GRM7: variants seen among roughly 807,000 people sequenced by gnomAD.
GRM7 encodes metabotropic glutamate receptor 7.
In GRM7, 35 loss-of-function variants were observed where a neutral mutation model predicts 84.5. That is an observed-to-expected ratio of 0.41 (90% CI 0.32 to 0.55). The LOEUF (loss-of-function observed/expected upper bound fraction) is 0.55, where lower values mean the gene tolerates loss of function less well. GRM7 is among the 20% of genes least tolerant of loss of function. The probability of loss-of-function intolerance (pLI) is 0.19; values close to 1 mark genes in which losing one functional copy is unlikely to be tolerated. For missense variants in GRM7, 1,003 were observed against 1,194.6 expected (o/e 0.84, Z 2.36); for synonymous variants, 487 against 455.1 (o/e 1.07, Z -0.89).
intron 2 of GRM7, among the ~76,000 whole-genome samples, chr3:7,229,753 ATATATAT>A (rs1559514707): frequency 0.026 from 757 of 29,202 alleles, 6 homozygotes; most frequent in Middle Eastern, 0.058. Flanking sequence ...ATATATATAT[ATATATAT>A]TTTTTTTTTT....
chr3:7,707,255 G>T (rs1701422062), intron 9 of GRM7, among the ~76,000 whole-genome samples: 1 of 152,094 alleles, frequency 6.6e-6, no homozygotes, highest in Non-Finnish European at 1.5e-5. Flanking sequence ...TTCTTGAGAA[G>T]ACTGACAAAA....
chr3:7,678,296 TAATAA>T (rs1700220324), intron 8 of GRM7, among the ~76,000 whole-genome samples: 1 of 152,272 alleles, frequency 6.6e-6, no homozygotes, highest in African/African-American at 2.4e-5. Context: ...TAATTATAAA[TAATAA>T]AACAAGAAGT....
chr3:7,640,571 C>G (rs542838208), intron 8 of GRM7, among the ~76,000 whole-genome samples: 1 of 152,198 alleles, frequency 6.6e-6, no homozygotes, highest in South Asian at 2.1e-4. Flanking sequence ...CTGAATGATG[C>G]CAGTCAAGCA....
intron 4 of GRM7, among the ~76,000 whole-genome samples, chr3:7,388,683 A>G (rs933365095): frequency 6.6e-6 from 1 of 151,980 alleles, no homozygotes; most frequent in Non-Finnish European, 1.5e-5. Flanking sequence ...GTGTGTTTCT[A>G]GATATTTATC....
intron 2 of GRM7, among the ~76,000 whole-genome samples, chr3:7,155,589 A>G (rs1574969617): frequency 6.6e-6 from 1 of 152,162 alleles, no homozygotes; most frequent in Admixed American, 6.6e-5. Flanking sequence ...TTGGACTTCA[A>G]CTGCTTCCTA....
rs1208192908 is a variant in GRM7, at chr3:7,694,224, C to T, written c.2698+13929C>T. 4.6e-5 allele frequency: 7 copies of T among 152,648 alleles called. 2 individuals are homozygous for T. Among genetic ancestry groups the T allele is most frequent in the Non-Finnish European group, 1.5e-5 (1 of 68,360 alleles). 9.5% of individuals were successfully genotyped at this position (152,648 alleles called of 1,614,324 possible). On this transcript the variant is annotated intron_variant, in intron 9 of 9. Transcript: ENST00000357716. Reference sequence around the variant, plus strand: ...TTTCCTCATCTGCAAAATAGAACCTCATATGGTAGTAGTGAGAAATAAATA... The same window carrying T: ...TTTCCTCATCTGCAAAATAGAACCTTATATGGTAGTAGTGAGAAATAAATA...
At chr3:7,110,668 C>A in intron 1 of GRM7, among the ~76,000 whole-genome samples, 1 of 151,460 alleles carries the variant, frequency 6.6e-6, no homozygotes, top group Non-Finnish European at 1.5e-5. Flanking sequence ...AGTCTAAGTC[C>A]TTTGGCATTC....
intron 1 of GRM7, among the ~76,000 whole-genome samples, chr3:7,110,668 CT>C (rs55969906): frequency 0.41 from 61,634 of 151,418 alleles, 13,275 homozygotes; most frequent in African/African-American, 0.56. Context: ...AGTCTAAGTC[CT>C]TTGGCATTCA....
At chr3:7,443,111 G>C (rs1055029447) in intron 5 of GRM7, among the ~76,000 whole-genome samples, 3 of 150,912 alleles carry the variant, frequency 2.0e-5, no homozygotes, top group African/African-American at 7.3e-5. Flanking sequence ...ATTTTCATGA[G>C]CATCATGTGA....
chr3:7,224,123 A>G (rs1465569421), intron 2 of GRM7, among the ~76,000 whole-genome samples: 1 of 152,212 alleles, frequency 6.6e-6, no homozygotes, highest in African/African-American at 2.4e-5. Context: ...CTGGCTATTT[A>G]AAAAGAAAAA....
At chr3:7,353,848 G>T (rs112031759) in intron 4 of GRM7, among the ~76,000 whole-genome samples, 14 of 152,226 alleles carry the variant, frequency 9.2e-5, no homozygotes, top group African/African-American at 3.4e-4. Context: ...TTACTATAAT[G>T]GACAGCAGAG....
chr3:7,087,529 C>T (rs1180222848), intron 1 of GRM7, among the ~76,000 whole-genome samples: 3 of 151,990 alleles, frequency 2.0e-5, no homozygotes, highest in Non-Finnish European at 4.4e-5. Context: ...TGAGAGGCAG[C>T]TGAAGGAAAA....
intron 1 of GRM7, among the ~76,000 whole-genome samples, chr3:6,895,384 A>G (rs1185650446): frequency 6.6e-6 from 1 of 152,202 alleles, no homozygotes; most frequent in Non-Finnish European, 1.5e-5. Context: ...TACGTTTTCA[A>G]TAATCTTAGC....
chr3:7,179,841 T>C (rs1415594827), intron 2 of GRM7, among the ~76,000 whole-genome samples: 3 of 152,160 alleles, frequency 2.0e-5, no homozygotes, highest in Non-Finnish European at 4.4e-5. Context: ...AAAAATAGTA[T>C]AGGGGAAACA....
chr3:7,112,218 C>T (rs897277073), intron 1 of GRM7, among the ~76,000 whole-genome samples: 10 of 137,416 alleles, frequency 7.3e-5, no homozygotes, highest in African/African-American at 1.2e-4. Flanking sequence ...ATTGAGTTTT[C>T]ATATTTTATG....
intron 2 of GRM7, among the ~76,000 whole-genome samples, chr3:7,183,642 CAAAT>C (rs1214392139): frequency 6.6e-6 from 1 of 151,934 alleles, no homozygotes; most frequent in Non-Finnish European, 1.5e-5. Context: ...ATAATAATAA[CAAAT>C]AAATAAAATG....
At chr3:7,283,132 C>T (rs1381761472) in intron 2 of GRM7, among the ~76,000 whole-genome samples, 1 of 152,024 alleles carries the variant, frequency 6.6e-6, no homozygotes, top group South Asian at 2.1e-4. Flanking sequence ...TTTCGAAGTT[C>T]TGAGTTGTAG....
intron 7 of GRM7, among the ~76,000 whole-genome samples, chr3:7,514,605 C>T (rs997476135): frequency 6.6e-6 from 1 of 152,174 alleles, no homozygotes; most frequent in Non-Finnish European, 1.5e-5. Flanking sequence ...CTGTTTCTAT[C>T]CACCACAGTG....
chr3:7,285,429 G>T lies in GRM7; in HGVS notation c.737-13255G>T, dbSNP rs567632665. ...CTGTGTTGTTATCGTGTGTTTTATTGAATGAAGATCATACATGACAATCAA... is the reference window on the plus strand; with the variant it reads ...CTGTGTTGTTATCGTGTGTTTTATTTAATGAAGATCATACATGACAATCAA... On this transcript the variant is annotated intron_variant, in intron 2 of 9. Coordinates refer to ENST00000357716, the MANE Select transcript of GRM7 (RefSeq NM_000844.4). Among the ~76,000 whole-genome samples the T allele has an allele frequency of 3.3e-5, 5 of 152,150 alleles. No individual in the cohort carries two copies. The South Asian group carries it at 1.0e-3, about 32-fold the overall frequency.
Sources: allele counts gnomAD v4.1 joint callset (sites outside exome capture counted in the v4.1 genomes callset), GRCh38; gene constraint gnomAD v4.1.1; transcripts MANE v1.5; gene names NCBI Gene and HGNC (gene_info 2026-07-23, HGNC 2026-07-21).